The following IGF1R variants were observed in gnomAD, a reference collection of about 807,000 sequenced individuals.
The protein encoded by IGF1R is insulin like growth factor 1 receptor.
In IGF1R, 44 loss-of-function variants were observed where a neutral mutation model predicts 144.6. The ratio of observed to expected loss-of-function variants is 0.30; its 90% CI spans 0.24 to 0.39. The LOEUF is 0.39. Among genes scored for constraint, IGF1R ranks in the 10% least tolerant of loss-of-function variants. The probability of loss-of-function intolerance (pLI) is 1.00; values close to 1 mark genes in which losing one functional copy is unlikely to be tolerated. For missense variants in IGF1R, 1,355 were observed against 1,833.7 expected, an observed-to-expected ratio of 0.74 and a Z score of 4.77; for synonymous variants, 795 against 722.8, an observed-to-expected ratio of 1.10 and a Z score of -1.60.
chr15:98,773,119 TTA>T (rs558312805), intron 2 of IGF1R, among the ~76,000 whole-genome samples: 68 of 152,330 alleles, frequency 4.5e-4, no homozygotes, highest in African/African-American at 1.5e-3. Context: ...GTGTGAACTT[TTA>T]TGATTTTCTT....
At chr15:98,769,084 A>G (rs2055517988) in intron 2 of IGF1R, among the ~76,000 whole-genome samples, 1 of 152,266 alleles carries the variant, frequency 6.6e-6, no homozygotes, top group African/African-American at 2.4e-5. Context: ...TCTTTGACAT[A>G]AAATCTCTAA....
chr15:98,903,504 C>T (rs995117145), intron 5 of IGF1R, among the ~76,000 whole-genome samples: 1 of 152,182 alleles, frequency 6.6e-6, no homozygotes, highest in African/African-American at 2.4e-5. Context: ...AAAATATACA[C>T]CAACCCTGTG....
At chr15:98,758,464 G>A (rs1702047027) in intron 2 of IGF1R, among the ~76,000 whole-genome samples, 1 of 152,118 alleles carries the variant, frequency 6.6e-6, no homozygotes. Context: ...CTCAAGGAAT[G>A]GCAGACCAGC....
chr15:98,716,989 C>A (rs2054133233), intron 2 of IGF1R, among the ~76,000 whole-genome samples: 2 of 152,140 alleles, frequency 1.3e-5, no homozygotes, highest in South Asian at 4.1e-4. Context: ...TGTGACTGGT[C>A]TTCAGGATGT....
intron 20 of IGF1R, 97 bp from the exon 21 acceptor site, chr15:98,956,964 C>G (rs528011551): frequency 1.3e-4 from 182 of 1,353,410 alleles, no homozygotes; most frequent in Non-Finnish European, 1.8e-4. Context: ...TCCCGCCGTA[C>G]GCTTGTATGC....
intron 2 of IGF1R, among the ~76,000 whole-genome samples, chr15:98,813,057 G>C (rs994598514): frequency 6.6e-5 from 10 of 152,052 alleles, no homozygotes; most frequent in African/African-American, 2.4e-4. Context: ...CTGGGGCGAG[G>C]CTTACTTCCT....
chr15:98,694,738 G>A (rs1395463501), intron 1 of IGF1R, among the ~76,000 whole-genome samples: 1 of 152,210 alleles, frequency 6.6e-6, no homozygotes, highest in Non-Finnish European at 1.5e-5. Context: ...CTGGTGGGGT[G>A]GAAACTTTCT....
intron 20 of IGF1R, among the ~76,000 whole-genome samples, chr15:98,956,344 C>T (rs2016982902): frequency 6.6e-6 from 1 of 152,214 alleles, no homozygotes; most frequent in Non-Finnish European, 1.5e-5. Flanking sequence ...GCTCTCCTTG[C>T]TGGCTTGTTG....
At chr15:98,742,156 GA>G (rs1420293696) in intron 2 of IGF1R, among the ~76,000 whole-genome samples, 2 of 152,192 alleles carry the variant, frequency 1.3e-5, no homozygotes, top group Non-Finnish European at 2.9e-5. Flanking sequence ...GGTTGGGGGA[GA>G]ACCTCTTTAA....
chr15:98,896,211 A>G lies in IGF1R; in HGVS notation c.954-546A>G, dbSNP rs537989987. 1.1e-4 allele frequency among the ~76,000 whole-genome samples: 17 copies of G among 152,368 alleles called. No homozygotes were observed. The East Asian group carries it at 3.1e-3, about 28-fold the overall frequency. ...TCGGTTGTGCTTTAGCAAGAAAATAATGGATCTGTGCTATACCACATGCCT... is the reference window on the plus strand; with the variant it reads ...TCGGTTGTGCTTTAGCAAGAAAATAGTGGATCTGTGCTATACCACATGCCT... On this transcript the variant is annotated intron_variant, in intron 3 of 20. Transcript: ENST00000650285.
intron 9 of IGF1R, 27 bp from the exon 10 acceptor site, chr15:98,916,645 T>G: frequency 6.2e-7 from 1 of 1,601,796 alleles, no homozygotes; most frequent in Non-Finnish European, 8.6e-7. Context: ...ATTCCCACTC[T>G]TGTTTTGGCT....
intron 2 of IGF1R, among the ~76,000 whole-genome samples, chr15:98,847,278 C>T (rs1261439945): frequency 2.0e-5 from 3 of 152,114 alleles, no homozygotes; most frequent in South Asian, 2.1e-4. Flanking sequence ...GCCCGGCTAC[C>T]GGACAGTCCA....
intron 1 of IGF1R, among the ~76,000 whole-genome samples, chr15:98,672,833 T>G (rs1400809906): frequency 6.6e-6 from 1 of 152,104 alleles, no homozygotes; most frequent in Non-Finnish European, 1.5e-5. Context: ...CCTGGAAAGT[T>G]GAAGCAGTGA....
Position 98,957,499 on chromosome 15 carries a change from G to C in IGF1R, c.*57G>C, listed in dbSNP as rs45480091. The C allele has an allele frequency of 1.2e-3, 1,964 of 1,606,954 alleles. 1 individual carries two copies. The highest frequency in any genetic ancestry group is 1.5e-3 in the Non-Finnish European group (1,802 of 1,176,696). On this transcript the variant is annotated 3_prime_UTR_variant, in exon 21 of 21. Transcript: ENST00000650285. ...CGTGTGCGCACGCGCAGCGGGGTGG[G>C]GGGGGAGAGAGAGTTTTAACAATCC...
chr15:98,803,264 C>T (rs745328481), intron 2 of IGF1R, among the ~76,000 whole-genome samples: 5 of 152,090 alleles, frequency 3.3e-5, no homozygotes, highest in African/African-American at 9.7e-5. Context: ...CTGTTCTGAA[C>T]GCTGTAGGCA....
rs1400261078 is a variant in IGF1R at position 98,805,228 on chromosome 15, C to T, written c.641-86097C>T. ...TAATTTGAAGATACTTCCATTTAAACTTTATGCTGCCAGAGTTGGCCAGCT... is the reference window on the plus strand; with the variant it reads ...TAATTTGAAGATACTTCCATTTAAATTTTATGCTGCCAGAGTTGGCCAGCT... On this transcript the variant is annotated intron_variant, in intron 2 of 20. Transcript: ENST00000650285. Among the ~76,000 whole-genome samples the T allele has an allele frequency of 4.6e-5, 7 of 152,210 alleles. No individual in the cohort carries two copies. The East Asian group carries it at 9.6e-4, about 21-fold the overall frequency.
At chr15:98,857,138 G>C (rs915994013) in intron 2 of IGF1R, among the ~76,000 whole-genome samples, 2 of 152,180 alleles carry the variant, frequency 1.3e-5, no homozygotes. Flanking sequence ...GTTGTGTGCA[G>C]TTGGAAAGCT....
At chr15:98,901,629 C>T (rs1202424414) in intron 5 of IGF1R, among the ~76,000 whole-genome samples, 3 of 152,128 alleles carry the variant, frequency 2.0e-5, no homozygotes, top group East Asian at 1.9e-4. Context: ...GGACAGGATA[C>T]GATAGTCAGA....
At chr15:98,942,577 G>A (rs1009172179) in intron 18 of IGF1R, among the ~76,000 whole-genome samples, 8 of 152,184 alleles carry the variant, frequency 5.3e-5, no homozygotes, top group Non-Finnish European at 1.0e-4. Context: ...GGGCACAGGC[G>A]ATCTTCCTGT....
Sources: gnomAD v4.1 joint callset for allele counts (sites outside exome capture counted in the v4.1 genomes callset) on GRCh38, gnomAD v4.1.1 for gene constraint, MANE v1.5 for transcripts, NCBI Gene and HGNC (gene_info 2026-07-23, HGNC 2026-07-21) for gene names.